The following EYA4 variants were observed in gnomAD, a reference collection of about 807,000 sequenced individuals.
EYA4 encodes the protein EYA transcriptional coactivator and phosphatase 4.
A neutral mutation model predicts 87.9 loss-of-function variants in EYA4; 31 were observed. The observed-to-expected ratio is 0.35, with a 90% confidence interval of 0.27 to 0.48. EYA4 has a LOEUF of 0.48. EYA4 is among the 20% of genes least tolerant of loss of function. The pLI is 0.99. For missense variants in EYA4, 678 were observed against 761.4 expected (o/e 0.89, Z 1.29); for synonymous variants, 263 against 270.6 (o/e 0.97, Z 0.28).
At chr6:133,286,789 T>C (rs145568660) in intron 2 of EYA4, among the ~76,000 whole-genome samples, 11 of 152,334 alleles carry the variant, frequency 7.2e-5, no homozygotes, top group African/African-American at 2.6e-4. Context: ...TTTTCATTGC[T>C]TTGTTTGTAG....
rs41286200 is a variant in EYA4, at chr6:133,468,627, C to T, written c.866C>T (p.Thr289Met). The change falls in exon 11 of 20, where the codon ACG becomes ATG. Residue 289 changes from threonine to methionine, a missense_variant. Transcript: ENST00000355286. ...NQYAQYYSAS[T>M]YGAYMTSNNT... ...TATGCACAGTATTATTCAGCATCAA[C>T]GTATGGAGCGTATATGACATCGAAT... 8.6e-4 allele frequency: 1,381 copies of T among 1,612,548 alleles called. 3 individuals carry two copies. The highest frequency in any genetic ancestry group is 1.1e-3 in the Non-Finnish European group (1,253 of 1,178,812).
At chr6:133,491,329 TTGAAA>T (rs572232169) in intron 13 of EYA4, among the ~76,000 whole-genome samples, 100 of 151,816 alleles carry the variant, frequency 6.6e-4, no homozygotes, top group Middle Eastern at 6.8e-3. Context: ...ATAAATGAAC[TTGAAA>T]TGAAAAAAAT....
At chr6:133,320,314 TA>T (rs1337278626) in intron 2 of EYA4, among the ~76,000 whole-genome samples, 1 of 152,108 alleles carries the variant, frequency 6.6e-6, no homozygotes, top group Non-Finnish European at 1.5e-5. Flanking sequence ...TTTATACATT[TA>T]AAAAATTTAA....
At chr6:133,468,335 A>AT (rs1235054568) in intron 10 of EYA4, among the ~76,000 whole-genome samples, 24 of 152,218 alleles carry the variant, frequency 1.6e-4, no homozygotes, top group African/African-American at 5.5e-4. Context: ...TCACATTAAA[A>AT]TTTGTGTACT....
In EYA4 at chr6:133,513,030, A is replaced by G. The variant is rs1799290631; in HGVS notation, c.1493A>G (p.Asn498Ser). The change falls in exon 16 of 20, where the codon AAC becomes AGC. Residue 498 changes from asparagine (N) to serine (S), a missense_variant. Coordinates refer to ENST00000355286, the MANE Select transcript of EYA4 (RefSeq NM_004100.5). ...GAATTATATAACACCTACAAGAACA[A>G]CGTTGGAGGTATGTGTGGCTTTTTC... is the stretch of plus-strand genomic sequence containing the variant. ...VKELYNTYKN[N>S]VGGLLGPAKR... 6.2e-7 allele frequency: 1 copy of G among 1,613,768 alleles called. No homozygotes were observed. Among genetic ancestry groups the G allele is most frequent in the Admixed American group, 1.7e-5 (1 of 60,000 alleles).
intron 2 of EYA4, among the ~76,000 whole-genome samples, chr6:133,343,584 C>T (rs1174514245): frequency 6.8e-6 from 1 of 147,564 alleles, no homozygotes; most frequent in Non-Finnish European, 1.5e-5. Context: ...CCACCCACCC[C>T]ACCACCCTTG....
At chr6:133,441,934 A>G (rs996689928) in intron 3 of EYA4, among the ~76,000 whole-genome samples, 9 of 151,926 alleles carry the variant, frequency 5.9e-5, no homozygotes, top group African/African-American at 2.2e-4. Flanking sequence ...AACAATACAT[A>G]TATTTTTATA....
intron 2 of EYA4, among the ~76,000 whole-genome samples, chr6:133,362,255 A>G (rs1188774570): frequency 6.6e-6 from 1 of 152,158 alleles, no homozygotes; most frequent in African/African-American, 2.4e-5. Flanking sequence ...CCAGGCTGCT[A>G]TAAGGGAGCT....
At chr6:133,320,855 A>G (rs1251147532) in intron 2 of EYA4, among the ~76,000 whole-genome samples, 1 of 151,848 alleles carries the variant, frequency 6.6e-6, no homozygotes, top group Non-Finnish European at 1.5e-5. Flanking sequence ...ACATGATTTC[A>G]CTCTCTTTTA....
At chr6:133,336,286 A>G (rs539411608) in intron 2 of EYA4, among the ~76,000 whole-genome samples, 5 of 152,342 alleles carry the variant, frequency 3.3e-5, no homozygotes, top group East Asian at 1.9e-4. Flanking sequence ...GTGATAATAT[A>G]TCAGAGTCAC....
At chr6:133,486,921 A>G (rs1278104456) in intron 13 of EYA4, among the ~76,000 whole-genome samples, 1 of 152,250 alleles carries the variant, frequency 6.6e-6, no homozygotes, top group Non-Finnish European at 1.5e-5. Flanking sequence ...CATAAGAACC[A>G]AAAGCCAGGT....
At chr6:133,443,951 C>T (rs1314986918) in intron 3 of EYA4, among the ~76,000 whole-genome samples, 1 of 152,110 alleles carries the variant, frequency 6.6e-6, no homozygotes, top group Non-Finnish European at 1.5e-5. Context: ...CAGGTCTGTC[C>T]TCTTGATAGA....
chr6:133,484,783 A>C (rs780724119), intron 13 of EYA4, among the ~76,000 whole-genome samples: 3 of 152,230 alleles, frequency 2.0e-5, no homozygotes, highest in Non-Finnish European at 4.4e-5. Flanking sequence ...AGACTGGCCC[A>C]AATAAAGATC....
intron 2 of EYA4, among the ~76,000 whole-genome samples, chr6:133,305,473 G>A (rs1562269871): frequency 1.3e-5 from 2 of 152,120 alleles, no homozygotes; most frequent in Non-Finnish European, 2.9e-5. Flanking sequence ...CATATTTACC[G>A]TGTGCCTGCC....
intron 2 of EYA4, among the ~76,000 whole-genome samples, chr6:133,351,846 G>A (rs9375958): frequency 0.18 from 27,300 of 151,856 alleles, 2,613 homozygotes; most frequent in East Asian, 0.36. Flanking sequence ...GAACCCTTAT[G>A]CCCACCATCC....
intron 3 of EYA4, among the ~76,000 whole-genome samples, chr6:133,434,269 C>G (rs904106035): frequency 2.6e-5 from 4 of 152,054 alleles, no homozygotes; most frequent in Admixed American, 6.5e-5. Flanking sequence ...TTTCTTGGAC[C>G]AAAGTTTCAG....
chr6:133,289,899 A>T (rs1778349691), intron 2 of EYA4, among the ~76,000 whole-genome samples: 2 of 152,208 alleles, frequency 1.3e-5, no homozygotes, highest in South Asian at 4.1e-4. Context: ...GCAGGGTAGA[A>T]GGAGAACTGC....
chr6:133,498,459 CTATT>C lies in EYA4; in HGVS notation c.1192-7640_1192-7637del, dbSNP rs924226089. Among the ~76,000 whole-genome samples the C allele has an allele frequency of 3.2e-4, 49 of 152,018 alleles. 1 individual carries two copies. The highest frequency in any genetic ancestry group is 8.8e-5 in the Non-Finnish European group (6 of 68,000). On this transcript the variant is annotated intron_variant, in intron 13 of 19. Transcript: ENST00000355286. ...AGAATAAACATTCAGTAAGCATAAC[CTATT>C]TATTTAGTTTCAAGGAAATCTGGAA...
chr6:133,264,930 C>T (rs185681518), intron 1 of EYA4, among the ~76,000 whole-genome samples: 270 of 152,230 alleles, frequency 1.8e-3, no homozygotes, highest in South Asian at 5.0e-3. Flanking sequence ...CTCCTGGCCT[C>T]AAGTGATCAG....
Sources: gnomAD v4.1 joint callset for allele counts (sites outside exome capture counted in the v4.1 genomes callset) on GRCh38, gnomAD v4.1.1 for gene constraint, MANE v1.5 for transcripts, NCBI Gene and HGNC (gene_info 2026-07-23, HGNC 2026-07-21) for gene names.